Variants in CEP170 observed in about 807,000 individuals in gnomAD.
CEP170 encodes centrosomal protein 170.
Under a neutral mutation model 151.9 loss-of-function variants are expected in CEP170, and 21 were observed. That is an observed-to-expected ratio of 0.14 (90% CI 0.10 to 0.20). The LOEUF is 0.20. Ranked by LOEUF, CEP170 falls within the 10% of genes least tolerant of loss-of-function variation. The pLI is 1.00. For missense variants in CEP170, 964 were observed against 1,892.9 expected (o/e 0.51, Z 9.11); for synonymous variants, 356 against 648.8 (o/e 0.55, Z 6.86).
intron 14 of CEP170, among the ~76,000 whole-genome samples, chr1:243,145,089 C>A (rs981279923): frequency 1.3e-4 from 20 of 151,902 alleles, no homozygotes; most frequent in African/African-American, 4.8e-4. Flanking sequence ...AATAATTGTA[C>A]ATTTGGGTAT....
intron 4 of CEP170, among the ~76,000 whole-genome samples, chr1:243,206,183 G>A (rs1472071175): frequency 9.9e-5 from 15 of 152,160 alleles, no homozygotes; most frequent in Non-Finnish European, 1.6e-4. Context: ...GCCCAGGCTG[G>A]AGTGCAGAGG....
intron 7 of CEP170, among the ~76,000 whole-genome samples, chr1:243,194,307 A>G (rs1005206506): frequency 6.6e-6 from 1 of 152,006 alleles, no homozygotes; most frequent in Non-Finnish European, 1.5e-5. Context: ...GTAAGGCAGT[A>G]TCAGTATTAT....
intron 3 of CEP170, chr1:243,221,436 C>T (rs1355964214): frequency 2.8e-6 from 1 of 355,806 alleles, no homozygotes; most frequent in Non-Finnish European, 5.0e-6. Flanking sequence ...AAATTACAGC[C>T]ATATAGTGAA....
intron 1 of CEP170, among the ~76,000 whole-genome samples, chr1:243,236,781 A>C (rs1420668180): frequency 6.6e-6 from 1 of 152,214 alleles, no homozygotes; most frequent in Non-Finnish European, 1.5e-5. Flanking sequence ...AACTGTCTAC[A>C]GGAGGGAGTG....
chr1:243,247,374 G>A (rs2065506148), intron 1 of CEP170, among the ~76,000 whole-genome samples: 1 of 152,094 alleles, frequency 6.6e-6, no homozygotes, highest in African/African-American at 2.4e-5. Context: ...TCTTTTTTGA[G>A]ATGGAGTCTC....
intron 3 of CEP170, among the ~76,000 whole-genome samples, chr1:243,220,859 A>G (rs1480417980): frequency 6.6e-6 from 1 of 152,226 alleles, no homozygotes; most frequent in African/African-American, 2.4e-5. Context: ...GAAAAAATTC[A>G]CTTCAGTAAC....
intron 4 of CEP170, among the ~76,000 whole-genome samples, chr1:243,208,858 C>T (rs1253741206): frequency 2.6e-5 from 4 of 151,086 alleles, no homozygotes; most frequent in Non-Finnish European, 5.9e-5. Flanking sequence ...ATTTTATTCA[C>T]AGTTATATTT....
rs750235039 is a variant in CEP170, at chr1:243,172,771, A to G, written c.1642T>C (p.Trp548Arg). ...ACTGCTGCAGCAGAACTGAGAGCCC[A>G]ATCTTTTATTAGATCTTTATGTTTT... ...NEKHKDLIKD[W>R]ALSSAAAVME... is the part of the protein sequence containing the mutation. Residue 548 changes from tryptophan to arginine, a missense_variant, in exon 11 of 20, where the codon TGG becomes CGG. Physicochemically the swap from Trp to Arg is moderately radical, Grantham distance 101. Coordinates refer to ENST00000366542, the MANE Select transcript of CEP170 (RefSeq NM_014812.3). The G allele has an allele frequency of 1.3e-6, 2 of 1,575,350 alleles. No homozygotes were observed. The highest frequency in any genetic ancestry group is 1.7e-6 in the Non-Finnish European group (2 of 1,159,286).
chr1:243,127,805 A>G (rs372873615), intron 19 of CEP170, among the ~76,000 whole-genome samples: 4 of 152,094 alleles, frequency 2.6e-5, no homozygotes, highest in African/African-American at 9.7e-5. Context: ...TCTGGTCTCT[A>G]TGGCCAATAT....
intron 14 of CEP170, 93 bp from the exon 15 acceptor site, chr1:243,142,556 T>C (rs1352406664): frequency 2.2e-6 from 3 of 1,345,054 alleles, no homozygotes; most frequent in Non-Finnish European, 3.0e-6. Context: ...GTAAGTTGTA[T>C]ATCTAATTAA....
intron 1 of CEP170, among the ~76,000 whole-genome samples, chr1:243,241,738 C>T (rs868112095): frequency 6.7e-6 from 1 of 149,058 alleles, no homozygotes; most frequent in Non-Finnish European, 1.5e-5. Flanking sequence ...TGCAGAGAGC[C>T]GAGATCTCAC....
intron 12 of CEP170, chr1:243,166,447 C>T (rs72757660): frequency 0.049 from 10,780 of 218,174 alleles, 389 homozygotes; most frequent in Middle Eastern, 0.077. Context: ...TCAGTGGGGA[C>T]GCAATCATTT....
intron 15 of CEP170, 115 bp from the exon 16 acceptor site, chr1:243,140,222 A>G: frequency 7.1e-7 from 1 of 1,418,108 alleles, no homozygotes; most frequent in African/African-American, 1.4e-5. Context: ...GTAGTAACAG[A>G]GGCACAACAT....
chr1:243,170,766 C>T (rs2058781876), intron 11 of CEP170, among the ~76,000 whole-genome samples: 1 of 152,222 alleles, frequency 6.6e-6, no homozygotes, highest in African/African-American at 2.4e-5. Flanking sequence ...TGCACTCCAG[C>T]CTGGGTGACA....
rs2058824052 is a variant in CEP170, at chr1:243,171,276, G to A, written c.1716+1421C>T. Among the ~76,000 whole-genome samples the A allele has an allele frequency of 3.9e-5, 6 of 152,070 alleles. No individual in the cohort carries two copies. In the South Asian group the frequency reaches 1.2e-3, roughly 31 times the overall value. ...ATTCTCCCAATCACAGGGAAATAAT[G>A]AGCACTAAAATACAGTAATTGCTTT... On this transcript the variant is annotated intron_variant, in intron 11 of 19. Coordinates refer to ENST00000366542, the MANE Select transcript of CEP170 (RefSeq NM_014812.3).
intron 10 of CEP170, among the ~76,000 whole-genome samples, chr1:243,183,230 T>A (rs1015611840): frequency 7.2e-5 from 11 of 152,100 alleles, no homozygotes; most frequent in African/African-American, 1.2e-4. Context: ...AGTTGCTAAA[T>A]AAATGAATCA....
intron 8 of CEP170, among the ~76,000 whole-genome samples, chr1:243,187,952 T>C (rs1255728887): frequency 6.6e-6 from 1 of 152,086 alleles, no homozygotes; most frequent in Non-Finnish European, 1.5e-5. Flanking sequence ...AAAAATCATA[T>C]ATGACAACAA....
chr1:243,223,896 ATG>A (rs1476354036), intron 2 of CEP170, among the ~76,000 whole-genome samples: 5 of 152,196 alleles, frequency 3.3e-5, no homozygotes, highest in Non-Finnish European at 7.3e-5. Flanking sequence ...TTATTATGAA[ATG>A]TATATAAAGT....
At chr1:243,237,457 T>C (rs1275112973) in intron 1 of CEP170, among the ~76,000 whole-genome samples, 4 of 152,244 alleles carry the variant, frequency 2.6e-5, no homozygotes, top group African/African-American at 7.2e-5. Flanking sequence ...AATGACACTA[T>C]TATTTACCTT....
Sources: allele counts gnomAD v4.1 joint callset (sites outside exome capture counted in the v4.1 genomes callset), GRCh38; gene constraint gnomAD v4.1.1; transcripts MANE v1.5; gene names NCBI Gene and HGNC (gene_info 2026-07-23, HGNC 2026-07-21).